CILP2: variants seen among roughly 807,000 people sequenced by gnomAD.
CILP2 encodes the protein CILP-2.
A neutral mutation model predicts 45.6 loss-of-function variants in CILP2; 38 were observed. The observed-to-expected ratio is 0.83, with a 90% confidence interval of 0.64 to 1.09. The LOEUF (loss-of-function observed/expected upper bound fraction) is 1.09. Among genes scored for constraint, CILP2 ranks in the 50% least tolerant of loss-of-function variants. The pLI is 0.00. For missense variants in CILP2, 1,735 were observed against 1,662.2 expected, an observed-to-expected ratio of 1.04 and a Z score of -0.76; for synonymous variants, 780 against 723.5, an observed-to-expected ratio of 1.08 and a Z score of -1.25.
At position 19,543,958 on chromosome 19, in the gene CILP2, T is replaced by A. The variant is rs372842557; in HGVS notation, c.1413T>A (p.Pro471=). The A allele has an allele frequency of 2.3e-5, 37 of 1,612,944 alleles. No homozygotes were observed. Among genetic ancestry groups the A allele is most frequent in the Non-Finnish European group, 2.9e-5 (34 of 1,179,632 alleles). Residue 471 remains proline, a synonymous_variant, in exon 8 of 8, where the codon CCT becomes CCA. Coordinates refer to ENST00000291495, the MANE Select transcript of CILP2 (RefSeq NM_153221.2). ...AECGCQKCLP[P]RGLVRGRVVA... ...GTGGCTGCCAGAAGTGTCTGCCCCC[T>A]CGGGGGCTGGTCCGGGGCCGTGTTG...
intron 3 of CILP2, 35 bp from the exon 4 acceptor site, chr19:19,541,056 G>C (rs2061241649): frequency 8.0e-7 from 1 of 1,246,222 alleles, no homozygotes; most frequent in African/African-American, 1.5e-5. Flanking sequence ...TCCTGGGGAG[G>C]GCGGCCACCT....
In CILP2 at chr19:19,546,053, A is replaced by C; in HGVS notation, c.*37A>C. On this transcript the variant is annotated 3_prime_UTR_variant, in exon 8 of 8. Coordinates refer to ENST00000291495, the MANE Select transcript of CILP2 (RefSeq NM_153221.2). ...GCCTCGCTTTCCCACCTCCCTCCAG[A>C]CTCCTTTGACCCCAGGAAGTTTTGC... 1 of 1,401,338 alleles carries C rather than the reference A, an allele frequency of 7.1e-7. No homozygotes were observed. The highest frequency in any genetic ancestry group is 1.5e-5 in the African/African-American group (1 of 68,926). 86.8% of individuals were successfully genotyped at this position (1,401,338 alleles called of 1,614,324 possible).
At position 19,544,402 on chromosome 19, in the gene CILP2, G is replaced by T; in HGVS notation, c.1857G>T (p.Ala619=). Residue 619 remains alanine, a synonymous_variant, in exon 8 of 8, where the codon GCG becomes GCT. Transcript: ENST00000291495. ...ACCCCCGAGACCTCACCTCGGCGGC[G>T]TCTGCCCCCAGTGACCTGCGCTTCG... The part of the protein sequence containing the change: ...FVDPRDLTSA[A]SAPSDLRFVD... The T allele has an allele frequency of 6.2e-7, 1 of 1,610,356 alleles. No homozygotes were observed.
Position 19,540,186 on chromosome 19 carries a change from C to A in CILP2, c.164-18C>A. ...CTACAGGCCGCCGCCCTGGTCCCAG[C>A]GCGTGCGGTGCCCGCAGAGGCCAGC... On this transcript the variant is annotated intron_variant, in intron 2 of 7. Transcript: ENST00000291495. 1.3e-6 allele frequency: 2 copies of A among 1,558,080 alleles called. No individual in the cohort carries two copies. The highest frequency in any genetic ancestry group is 1.4e-5 in the African/African-American group (1 of 71,988).
chr19:19,539,881 GC>G lies in CILP2; in HGVS notation c.163+107del, dbSNP rs967222932. On this transcript the variant is annotated intron_variant, in intron 2 of 7. Transcript: ENST00000291495. ...GGAGAGGGCACACACTAGACGAAGG[GC>G]CCGGCGCCGTCCTGGTCCCCGGACA... The G allele has an allele frequency of 5.1e-5, 47 of 929,302 alleles. No individual in the cohort carries two copies. In the African/African-American group the frequency reaches 7.6e-4, roughly 15 times the overall value. The allele number at this position is 929,302 out of a possible 1,614,324, so 57.6% of individuals were successfully genotyped here.
Position 19,544,986 on chromosome 19 carries a change from G to T in CILP2, c.2441G>T (p.Gly814Val), listed in dbSNP as rs1366663358. 1 of 1,597,730 alleles carries T rather than the reference G, an allele frequency of 6.3e-7. No individual in the cohort carries two copies. Among genetic ancestry groups the T allele is most frequent in the Non-Finnish European group, 8.5e-7 (1 of 1,177,746 alleles). Residue 814 changes from glycine to valine, a missense_variant, in exon 8 of 8, where the codon GGC (glycine) becomes GTC (valine). By Grantham distance (109) the Gly-to-Val change is moderately radical. Coordinates refer to ENST00000291495, the MANE Select transcript of CILP2 (RefSeq NM_153221.2). ...AYTALVTATLGGEELEPAPSL... is the reference protein window; with the variant it reads ...AYTALVTATLVGEELEPAPSL... ...ACCGCCCTGGTCACCGCCACCCTGG[G>T]CGGCGAGGAGCTGGAGCCGGCCCCT...
In CILP2 at chr19:19,544,236, C is replaced by T; in HGVS notation, c.1691C>T (p.Thr564Ile). The T allele has an allele frequency of 1.2e-6, 2 of 1,613,940 alleles. No individual in the cohort carries two copies. Among genetic ancestry groups the T allele is most frequent in the Non-Finnish European group, 8.5e-7 (1 of 1,180,012 alleles). The part of the protein sequence containing the change: ...MRKKAPVILH[T>I]SQSNTIPLGE... ...AAGAAAGCCCCGGTCATTTTACATA[C>T]CAGCCAGAGCAACACGATCCCCCTG... Residue 564 changes from threonine (T) to isoleucine (I), a missense_variant, in exon 8 of 8, where the codon ACC becomes ATC. Transcript: ENST00000291495.
Position 19,541,114 on chromosome 19 carries a change from C to A in CILP2, c.460C>A (p.Pro154Thr). Residue 154 changes from proline to threonine, a missense_variant, in exon 4 of 8, where the codon CCG becomes ACG. By Grantham distance (38) the Pro-to-Thr change is conservative. Transcript: ENST00000291495. ...AGAAGCCTCGTGGGGCGCGTGGGGC[C>A]CGTGGGGTCCCTGCTCGGGGAGCTG... ...PLEASWGAWG[P>T]WGPCSGSCGP... is the part of the protein sequence containing the mutation. 7.9e-7 allele frequency: 1 copy of A among 1,261,460 alleles called. No individual in the cohort carries two copies. Among genetic ancestry groups the A allele is most frequent in the Non-Finnish European group, 1.0e-6 (1 of 1,003,192 alleles). The allele number at this position is 1,261,460 out of a possible 1,614,324, so 78.1% of individuals were successfully genotyped here.
chr19:19,538,923 C>T (rs1208238337), intron 1 of CILP2, among the ~76,000 whole-genome samples: 1 of 152,210 alleles, frequency 6.6e-6, no homozygotes, highest in African/African-American at 2.4e-5. Flanking sequence ...CCAAGGACTT[C>T]CCGGCAGCTC....
At chr19:19,538,520 T>G in intron 1 of CILP2, 107 bp downstream of exon 1, 2 of 855,118 alleles carry the variant, frequency 2.3e-6, no homozygotes, top group Non-Finnish European at 3.3e-6. Flanking sequence ...ACCCACGCGC[T>G]TCCCCGGGGA....
rs766328955 is a variant in CILP2 at position 19,541,148 on chromosome 19, G to A, written c.494G>A (p.Gly165Asp). 1.6e-6 allele frequency: 2 copies of A among 1,258,730 alleles called. No homozygotes were observed. The highest frequency in any genetic ancestry group is 2.0e-6 in the Non-Finnish European group (2 of 1,001,446). The allele number at this position is 1,258,730 out of a possible 1,614,324, so 78.0% of individuals were successfully genotyped here. The change falls in exon 4 of 8, where the codon GGC becomes GAC. Residue 165 changes from glycine (G) to aspartate (D), a missense_variant. By Grantham distance (94) the Gly-to-Asp change is moderately conservative. Transcript: ENST00000291495. ...CCCTGCTCGGGGAGCTGTGGGCCAGGCCGTCGCTTGCGCCGCCGCCACTGC... is the reference window on the plus strand; with the variant it reads ...CCCTGCTCGGGGAGCTGTGGGCCAGACCGTCGCTTGCGCCGCCGCCACTGC... The part of the protein sequence containing the change: ...WGPCSGSCGP[G>D]RRLRRRHCPS...
chr19:19,545,037 C>T lies in CILP2; in HGVS notation c.2492C>T (p.Thr831Ile). Residue 831 changes from threonine to isoleucine, a missense_variant, in exon 8 of 8, where the codon ACC becomes ATC. Physicochemically the swap from Thr to Ile is moderately conservative, Grantham distance 89. Transcript: ENST00000291495. ...APSLPRPLPA[T>I]VGVTQPYLDR... ...TCCTTGCCCCGCCCACTCCCGGCCACCGTGGGCGTCACCCAGCCCTACCTG... is the reference window on the plus strand; with the variant it reads ...TCCTTGCCCCGCCCACTCCCGGCCATCGTGGGCGTCACCCAGCCCTACCTG... The T allele has an allele frequency of 6.2e-7, 1 of 1,607,626 alleles. No individual in the cohort carries two copies. The highest frequency in any genetic ancestry group is 1.7e-5 in the Admixed American group (1 of 59,796).
Position 19,544,160 on chromosome 19 carries a change from C to A in CILP2, c.1615C>A (p.Pro539Thr). ...GEFMDAVRVL[P>T]FDPRGAGVYH... ...GTTCATGGACGCTGTCCGGGTCTTG[C>A]CTTTTGATCCTCGAGGTGCCGGCGT... The change falls in exon 8 of 8, where the codon CCT becomes ACT. Residue 539 changes from proline (P) to threonine (T), a missense_variant. Physicochemically the swap from Pro to Thr is conservative, Grantham distance 38. Transcript: ENST00000291495. 6.2e-7 allele frequency: 1 copy of A among 1,613,750 alleles called. No individual in the cohort carries two copies. The highest frequency in any genetic ancestry group is 8.5e-7 in the Non-Finnish European group (1 of 1,179,878).
rs367856773 is a variant in CILP2 at position 19,544,246 on chromosome 19, C to T, written c.1701C>T (p.Ser567=). The stretch of plus-strand genomic sequence containing the variant: ...CGGTCATTTTACATACCAGCCAGAG[C>T]AACACGATCCCCCTGGGCGAGCTGG... ...KAPVILHTSQ[S]NTIPLGELED... Residue 567 remains serine, a synonymous_variant, in exon 8 of 8, where the codon AGC becomes AGT. Transcript: ENST00000291495. The T allele has an allele frequency of 2.6e-5, 42 of 1,613,756 alleles. No homozygotes were observed. In the African/African-American group the frequency reaches 5.5e-4, roughly 21 times the overall value.
chr19:19,543,867 G>T lies in CILP2; in HGVS notation c.1322G>T (p.Arg441Leu). Residue 441 changes from arginine (R) to leucine (L), a missense_variant, in exon 8 of 8, where the codon CGC becomes CTC. By Grantham distance (102) the Arg-to-Leu change is moderately radical (BLOSUM62 -2). Coordinates refer to ENST00000291495, the MANE Select transcript of CILP2 (RefSeq NM_153221.2). ...GDASSRCCSV[R>L]RLERREIHCP... ...GCCAGCTCCCGCTGCTGCTCTGTGCGCCGTCTGGAGAGAAGGGAGATTCAC... is the reference window on the plus strand; with the variant it reads ...GCCAGCTCCCGCTGCTGCTCTGTGCTCCGTCTGGAGAGAAGGGAGATTCAC... The T allele has an allele frequency of 6.2e-7, 1 of 1,613,874 alleles. No individual in the cohort carries two copies. Among genetic ancestry groups the T allele is most frequent in the Non-Finnish European group, 8.5e-7 (1 of 1,179,854 alleles).
At position 19,543,811 on chromosome 19, in the gene CILP2, C is replaced by T; in HGVS notation, c.1266C>T (p.Ser422=). 6.2e-7 allele frequency: 1 copy of T among 1,613,856 alleles called. No homozygotes were observed. The highest frequency in any genetic ancestry group is 8.5e-7 in the Non-Finnish European group (1 of 1,179,914). ...VGLCPDTRCP[S]LAGSSPRCGD... ...TCTGTCCCGACACCCGCTGCCCCAG[C>T]CTGGCAGGCTCCAGCCCCCGCTGCG... Residue 422 remains serine, a synonymous_variant, in exon 8 of 8, where the codon AGC becomes AGT. Coordinates refer to ENST00000291495, the MANE Select transcript of CILP2 (RefSeq NM_153221.2).
At position 19,545,405 on chromosome 19, in the gene CILP2, C is replaced by T. The variant is rs997598721; in HGVS notation, c.2860C>T (p.Arg954Cys). Residue 954 changes from arginine (R) to cysteine (C), a missense_variant, in exon 8 of 8, where the codon CGC becomes TGC. Transcript: ENST00000291495. Reference protein sequence around the residue: ...KIQGPQEYMVRSHNAGGSHPR... With the variant: ...KIQGPQEYMVCSHNAGGSHPR... ...CCAGGGTCCCCAGGAGTATATGGTC[C>T]GCTCCCACAACGCAGGGGGCAGCCA... is the stretch of plus-strand genomic sequence containing the variant. 7.4e-6 allele frequency: 12 copies of T among 1,612,686 alleles called. No individual in the cohort carries two copies. Among genetic ancestry groups the T allele is most frequent in the Non-Finnish European group, 8.5e-6 (10 of 1,179,858 alleles).
chr19:19,546,293 C>A lies in CILP2; in HGVS notation c.*277C>A. On this transcript the variant is annotated 3_prime_UTR_variant, in exon 8 of 8. Coordinates refer to ENST00000291495, the MANE Select transcript of CILP2 (RefSeq NM_153221.2). ...AACCCTAGCCTGAAGGGACCCGCTC[C>A]CAGCTCAGAAGCCGTCTCTGACTTC... 1 of 325,240 alleles carries A rather than the reference C, an allele frequency of 3.1e-6. No homozygotes were observed. The allele number at this position is 325,240 out of a possible 1,614,324, so 20.1% of individuals were successfully genotyped here.
Position 19,546,398 on chromosome 19 carries a change from T to TAAAC in CILP2, c.*382_*383insAAAC, listed in dbSNP as rs2144681352. 6.0e-6 allele frequency: 1 copy of TAAAC among 166,182 alleles called. No homozygotes were observed. The highest frequency in any genetic ancestry group is 1.9e-4 in the South Asian group (1 of 5,182). The allele number at this position is 166,182 out of a possible 1,614,324, so 10.3% of individuals were successfully genotyped here. ...TGGCACAAAGTCCCCTCTGCCTGTT[T>TAAAC]GGAGCTCAGTGCTAGACCAGGTCCC... On this transcript the variant is annotated 3_prime_UTR_variant, in exon 8 of 8. Coordinates refer to ENST00000291495, the MANE Select transcript of CILP2 (RefSeq NM_153221.2).
Sources: gnomAD v4.1 joint callset for allele counts (sites outside exome capture counted in the v4.1 genomes callset) on GRCh38, gnomAD v4.1.1 for gene constraint, MANE v1.5 for transcripts, NCBI Gene and HGNC (gene_info 2026-07-23, HGNC 2026-07-21) for gene names.